Variants in FAIM observed in about 807,000 individuals in gnomAD.
The protein encoded by FAIM is fas apoptotic inhibitory molecule 1.
A neutral mutation model predicts 21.2 loss-of-function variants in FAIM; 14 were observed. The observed-to-expected ratio is 0.66, with a 90% CI of 0.44 to 1.03. The LOEUF (loss-of-function observed/expected upper bound fraction) is 1.03. Among genes scored for constraint, FAIM ranks in the 50% least tolerant of loss-of-function variants. FAIM has a pLI of 0.00. For synonymous variants in FAIM, 86 were observed against 80.4 expected, an observed-to-expected ratio of 1.07 and a Z score of -0.37; for missense variants, 222 against 247.1, an observed-to-expected ratio of 0.90 and a Z score of 0.68.
chr3:138,626,210 T>C (rs1003153924), intron 4 of FAIM, among the ~76,000 whole-genome samples: 4 of 152,164 alleles, frequency 2.6e-5, no homozygotes, highest in African/African-American at 9.7e-5. Flanking sequence ...AGTCACTAAA[T>C]CCAGCACTGA....
intron 1 of FAIM, among the ~76,000 whole-genome samples, chr3:138,616,128 C>G (rs572805304): frequency 1.3e-5 from 2 of 152,078 alleles, no homozygotes; most frequent in Non-Finnish European, 2.9e-5. Flanking sequence ...CTGATTTCCC[C>G]GTAATGAAGG....
intron 1 of FAIM, chr3:138,610,927 A>G (rs750131115): frequency 4.4e-6 from 7 of 1,591,382 alleles, no homozygotes; most frequent in Non-Finnish European, 6.0e-6. Context: ...CGGCAGAGCT[A>G]CGACCCTTCC....
Position 138,622,393 on chromosome 3 carries a change from G to A in FAIM, c.383G>A (p.Gly128Asp). The A allele has an allele frequency of 1.9e-6, 3 of 1,603,944 alleles. No homozygotes were observed. Among genetic ancestry groups the A allele is most frequent in the Non-Finnish European group, 2.5e-6 (3 of 1,177,038 alleles). The change falls in exon 4 of 6, where the codon GGT becomes GAT. Residue 128 changes from glycine to aspartate, a missense_variant. Coordinates refer to ENST00000360570, the MANE Select transcript of FAIM (RefSeq NM_001033031.2). ...TTNTWVLHMD[G>D]ENFRIVLEKD... is the part of the protein sequence containing the mutation. ...AATACTTGGGTATTACACATGGATGGTGAGAACTTTAGAATTGTTTTGGGT... is the reference window on the plus strand; with the variant it reads ...AATACTTGGGTATTACACATGGATGATGAGAACTTTAGAATTGTTTTGGGT...
At chr3:138,625,903 G>A (rs2042933821) in intron 4 of FAIM, among the ~76,000 whole-genome samples, 1 of 152,092 alleles carries the variant, frequency 6.6e-6, no homozygotes, top group South Asian at 2.1e-4. Flanking sequence ...CCTAAAAAAT[G>A]TGAGGCATAT....
At chr3:138,628,134 T>C in intron 4 of FAIM, among the ~76,000 whole-genome samples, 1 of 152,192 alleles carries the variant, frequency 6.6e-6, no homozygotes, top group East Asian at 1.9e-4. Context: ...TTTAAGTGTG[T>C]CGGGGCAGCA....
At chr3:138,620,445 C>CA (rs890602380) in intron 2 of FAIM, among the ~76,000 whole-genome samples, 4 of 152,110 alleles carry the variant, frequency 2.6e-5, no homozygotes, top group African/African-American at 4.8e-5. Flanking sequence ...ATATTAACAT[C>CA]AAAAATATAT....
At chr3:138,627,048 A>G (rs1225122317) in intron 4 of FAIM, among the ~76,000 whole-genome samples, 1 of 151,730 alleles carries the variant, frequency 6.6e-6, no homozygotes, top group East Asian at 1.9e-4. Context: ...TTGATTTCTC[A>G]TAGTCTTCAC....
chr3:138,620,304 T>C (rs1560495875), intron 2 of FAIM, among the ~76,000 whole-genome samples: 1 of 152,232 alleles, frequency 6.6e-6, no homozygotes, highest in Non-Finnish European at 1.5e-5. Flanking sequence ...GACTGATACA[T>C]AGTTATCACT....
chr3:138,628,571 A>G (rs985553219), intron 4 of FAIM, among the ~76,000 whole-genome samples: 28 of 150,972 alleles, frequency 1.9e-4, no homozygotes, highest in Admixed American at 7.3e-4. Context: ...TGCAAGCTCC[A>G]CCTCCCAGGT....
intron 4 of FAIM, among the ~76,000 whole-genome samples, chr3:138,628,877 G>C (rs1435176638): frequency 2.0e-5 from 3 of 152,102 alleles, no homozygotes; most frequent in Non-Finnish European, 4.4e-5. Context: ...TCTCTTAAAA[G>C]GTTGTTTTGT....
At chr3:138,618,755 A>C (rs1434603667) in intron 1 of FAIM, among the ~76,000 whole-genome samples, 2 of 152,172 alleles carry the variant, frequency 1.3e-5, no homozygotes, top group Admixed American at 6.5e-5. Context: ...TTTAACCAGG[A>C]GAGAGCATTC....
chr3:138,633,106 T>C lies in FAIM; in HGVS notation c.*27T>C. The C allele has an allele frequency of 1.2e-6, 2 of 1,604,894 alleles. No individual in the cohort carries two copies. The highest frequency in any genetic ancestry group is 1.7e-6 in the Non-Finnish European group (2 of 1,173,992). The stretch of plus-strand genomic sequence containing the variant: ...GAATTTTCATCTTAAGAAGTAAAGA[T>C]CAGGACTTTTTAATTACTGTGGTAA... On this transcript the variant is annotated 3_prime_UTR_variant, in exon 6 of 6. Coordinates refer to ENST00000360570, the MANE Select transcript of FAIM (RefSeq NM_001033031.2).
At chr3:138,626,151 A>C (rs2042937133) in intron 4 of FAIM, among the ~76,000 whole-genome samples, 1 of 152,232 alleles carries the variant, frequency 6.6e-6, no homozygotes. Flanking sequence ...GGGAATCCGC[A>C]GGCAAAGAGG....
At chr3:138,626,059 A>C (rs1428916757) in intron 4 of FAIM, among the ~76,000 whole-genome samples, 3 of 152,180 alleles carry the variant, frequency 2.0e-5, no homozygotes, top group Non-Finnish European at 4.4e-5. Context: ...TGTTCTGAAA[A>C]GTTTCTCTTT....
chr3:138,612,879 A>T (rs2042785405), intron 1 of FAIM, among the ~76,000 whole-genome samples: 1 of 152,090 alleles, frequency 6.6e-6, no homozygotes, highest in African/African-American at 2.4e-5. Flanking sequence ...CCATCCTAGT[A>T]GATGTGAAGT....
intron 4 of FAIM, among the ~76,000 whole-genome samples, chr3:138,625,287 A>G (rs528983135): frequency 9.9e-5 from 15 of 151,968 alleles, no homozygotes; most frequent in Non-Finnish European, 2.1e-4. Flanking sequence ...ACATGGTGAA[A>G]CCCCATCTCT....
chr3:138,616,907 A>G (rs559307831), intron 1 of FAIM, among the ~76,000 whole-genome samples: 53 of 152,304 alleles, frequency 3.5e-4, no homozygotes, highest in Admixed American at 2.7e-3. Flanking sequence ...AGAATGCTTC[A>G]AATTTGCCAG....
At chr3:138,614,291 T>A (rs530418835) in intron 1 of FAIM, among the ~76,000 whole-genome samples, 1 of 152,010 alleles carries the variant, frequency 6.6e-6, no homozygotes, top group Admixed American at 6.6e-5. Context: ...AATTACAAAA[T>A]TAGCTGGGTG....
At chr3:138,627,463 G>A (rs919971360) in intron 4 of FAIM, among the ~76,000 whole-genome samples, 1 of 152,176 alleles carries the variant, frequency 6.6e-6, no homozygotes, top group Non-Finnish European at 1.5e-5. Flanking sequence ...TTACAGGCAT[G>A]AGCCACCGTG....
Sources: allele counts gnomAD v4.1 joint callset (sites outside exome capture counted in the v4.1 genomes callset), GRCh38; gene constraint gnomAD v4.1.1; transcripts MANE v1.5; gene names NCBI Gene and HGNC (gene_info 2026-07-23, HGNC 2026-07-21).